The following SPAG6 variants were observed in gnomAD, a reference collection of about 807,000 sequenced individuals.
The protein encoded by SPAG6 is sperm associated antigen 6, also known as sperm-associated antigen 6.
In SPAG6, 49 loss-of-function variants were observed where a neutral mutation model predicts 58.5. The observed-to-expected ratio is 0.84, with a 90% CI of 0.67 to 1.06. The LOEUF is 1.06. Among genes scored for constraint, SPAG6 ranks in the 50% least tolerant of loss-of-function variants. The pLI, the probability that SPAG6 is intolerant of heterozygous loss-of-function variation, is 0.00. For missense variants in SPAG6, 560 were observed against 611.3 expected, an observed-to-expected ratio of 0.92 and a Z score of 0.89; for synonymous variants, 233 against 225.6, an observed-to-expected ratio of 1.03 and a Z score of -0.29.
intron 9 of SPAG6, among the ~76,000 whole-genome samples, chr10:22,401,480 TAG>T (rs1016973152): frequency 3.4e-4 from 52 of 152,332 alleles, no homozygotes; most frequent in African/African-American, 1.2e-3. Flanking sequence ...ACATTTTCCT[TAG>T]AGTCTCTACT....
intron 2 of SPAG6, among the ~76,000 whole-genome samples, chr10:22,364,170 C>G (rs1837126979): frequency 6.6e-6 from 1 of 152,122 alleles, no homozygotes; most frequent in Non-Finnish European, 1.5e-5. Flanking sequence ...GACAATTAAC[C>G]TTTCTCAGCC....
intron 9 of SPAG6, among the ~76,000 whole-genome samples, chr10:22,409,078 C>T (rs1446531026): frequency 3.9e-5 from 6 of 152,200 alleles, no homozygotes; most frequent in Non-Finnish European, 8.8e-5. Context: ...GCAGAAATCA[C>T]CCGTCCTCTT....
At position 22,345,833 on chromosome 10, in the gene SPAG6, C is replaced by T; in HGVS notation, c.121+15C>T. The T allele has an allele frequency of 6.2e-7, 1 of 1,609,362 alleles. No homozygotes were observed. The highest frequency in any genetic ancestry group is 8.5e-7 in the Non-Finnish European group (1 of 1,178,022). On this transcript the variant is annotated intron_variant, in intron 2 of 10. Coordinates refer to ENST00000376624, the MANE Select transcript of SPAG6 (RefSeq NM_012443.4). This position sits in a 1 kb window ranked among gnomAD's most constrained non-coding sequence, Gnocchi z 6.3. ...GCAGAACGCGGGTGAGCCCGGAGCC[C>T]GAACCCCCGTCGCCCCCCGCGCACT...
intron 4 of SPAG6, among the ~76,000 whole-genome samples, chr10:22,375,345 G>A (rs1833792773): frequency 6.6e-6 from 1 of 152,196 alleles, no homozygotes; most frequent in South Asian, 2.1e-4. Flanking sequence ...GCTATTAGAA[G>A]CTCAGGAGTT....
At chr10:22,404,987 G>C (rs1834514672) in intron 9 of SPAG6, among the ~76,000 whole-genome samples, 1 of 151,826 alleles carries the variant, frequency 6.6e-6, no homozygotes, top group African/African-American at 2.4e-5. Context: ...CATTGATTTT[G>C]TATCCTGAGA....
At chr10:22,350,001 C>T (rs1056976558) in intron 2 of SPAG6, among the ~76,000 whole-genome samples, 1 of 151,942 alleles carries the variant, frequency 6.6e-6, no homozygotes, top group East Asian at 1.9e-4. Context: ...TGTACATGTG[C>T]TATGATCCTC....
At chr10:22,368,233 A>G (rs1468578313) in intron 3 of SPAG6, among the ~76,000 whole-genome samples, 1 of 152,190 alleles carries the variant, frequency 6.6e-6, no homozygotes, top group Non-Finnish European at 1.5e-5. Context: ...ATTTTATACA[A>G]TTTCCAAATG....
chr10:22,381,097 G>A (rs896978304), intron 4 of SPAG6, among the ~76,000 whole-genome samples: 40 of 152,142 alleles, frequency 2.6e-4, no homozygotes, highest in African/African-American at 8.2e-4. Flanking sequence ...AGAATTCTCT[G>A]AATTTTCTTA....
intron 2 of SPAG6, among the ~76,000 whole-genome samples, chr10:22,352,052 C>T (rs1463455640): frequency 6.6e-6 from 1 of 151,780 alleles, no homozygotes; most frequent in Non-Finnish European, 1.5e-5. Flanking sequence ...CCCAGCTACT[C>T]GGAGAGGCTG....
intron 4 of SPAG6, among the ~76,000 whole-genome samples, chr10:22,370,825 A>T (rs960506031): frequency 1.3e-5 from 2 of 152,218 alleles, no homozygotes; most frequent in African/African-American, 4.8e-5. Flanking sequence ...AAAGCTGGTT[A>T]TCATGGGAAA....
Position 22,391,880 on chromosome 10 carries a change from T to C in SPAG6, c.1157T>C (p.Leu386Ser). 16 of 1,613,408 alleles carry C rather than the reference T, an allele frequency of 9.9e-6. No homozygotes were observed. Among genetic ancestry groups the C allele is most frequent in the Non-Finnish European group, 1.4e-5 (16 of 1,179,636 alleles). ...VTNTLPVLLSLYMSTESSEDL... is the reference protein window; with the variant it reads ...VTNTLPVLLSSYMSTESSEDL... ...AATACTTTGCCAGTTCTGCTTTCTT[T>C]GTACATGTCAACAGAAAGTTCTGAG... The change falls in exon 8 of 11, where the codon TTG becomes TCG. Residue 386 changes from leucine to serine, a missense_variant. Leu to Ser is a moderately radical substitution (Grantham distance 145, BLOSUM62 -2). Transcript: ENST00000376624.
At chr10:22,353,948 C>T (rs996265461) in intron 2 of SPAG6, among the ~76,000 whole-genome samples, 6 of 152,078 alleles carry the variant, frequency 3.9e-5, no homozygotes, top group African/African-American at 1.4e-4. Flanking sequence ...AGGTGGTACT[C>T]ATGGAAAAGG....
chr10:22,369,126 C>T (rs1399431248), intron 4 of SPAG6, among the ~76,000 whole-genome samples: 1 of 152,026 alleles, frequency 6.6e-6, no homozygotes, highest in Non-Finnish European at 1.5e-5. Flanking sequence ...AGTTCCAAAC[C>T]AACCAGGAGA....
At chr10:22,414,534 T>C (rs1343174538) in intron 10 of SPAG6, among the ~76,000 whole-genome samples, 1 of 152,200 alleles carries the variant, frequency 6.6e-6, no homozygotes, top group Non-Finnish European at 1.5e-5. Flanking sequence ...TGGTTAAAGA[T>C]AATTACCTAT....
At chr10:22,400,408 G>A (rs761378442) in intron 8 of SPAG6, among the ~76,000 whole-genome samples, 6 of 152,154 alleles carry the variant, frequency 3.9e-5, no homozygotes, top group Non-Finnish European at 5.9e-5. Flanking sequence ...GCCATGGCCT[G>A]AGGGCTGGCT....
chr10:22,355,722 T>C (rs1213923449), intron 2 of SPAG6, among the ~76,000 whole-genome samples: 4 of 152,150 alleles, frequency 2.6e-5, no homozygotes, highest in African/African-American at 9.7e-5. Context: ...CAAACAGATA[T>C]GTGATACCAA....
At chr10:22,357,885 T>C (rs939119250) in intron 2 of SPAG6, among the ~76,000 whole-genome samples, 1 of 152,064 alleles carries the variant, frequency 6.6e-6, no homozygotes, top group Non-Finnish European at 1.5e-5. Context: ...ATTTCCAGCT[T>C]CATCCATGTC....
intron 8 of SPAG6, among the ~76,000 whole-genome samples, chr10:22,398,462 T>TA (rs1293184563): frequency 1.3e-5 from 2 of 152,200 alleles, no homozygotes; most frequent in Non-Finnish European, 2.9e-5. Context: ...GCACATGGCT[T>TA]ATGCCTATAA....
At chr10:22,352,694 T>C (rs1297218361) in intron 2 of SPAG6, among the ~76,000 whole-genome samples, 1 of 152,116 alleles carries the variant, frequency 6.6e-6, no homozygotes, top group Non-Finnish European at 1.5e-5. Flanking sequence ...ATTTTTGTAT[T>C]TTTAGTAGAG....
Sources: allele counts gnomAD v4.1 joint callset (sites outside exome capture counted in the v4.1 genomes callset), GRCh38; gene constraint gnomAD v4.1.1; non-coding constraint Gnocchi (gnomAD v3.1); transcripts MANE v1.5; gene names NCBI Gene and HGNC (gene_info 2026-07-23, HGNC 2026-07-21).